Variants in HADHA observed in about 807,000 individuals in gnomAD.
HADHA encodes the protein hydroxyacyl-CoA dehydrogenase trifunctional multienzyme complex subunit alpha.
HADHA carries 59 observed loss-of-function variants against 91.3 expected under a neutral mutation model. The ratio of observed to expected loss-of-function variants is 0.65; its 90% CI spans 0.52 to 0.80. The LOEUF (loss-of-function observed/expected upper bound fraction) is 0.80. Ranked by LOEUF, HADHA falls within the 30% of genes least tolerant of loss-of-function variation. HADHA has a pLI of 0.00. For synonymous variants in HADHA, 320 were observed against 338.9 expected (o/e 0.94, Z 0.61); for missense variants, 800 against 927.6 (o/e 0.86, Z 1.79).
intron 4 of HADHA, among the ~76,000 whole-genome samples, chr2:26,236,377 AC>A (rs1179957618): frequency 5.3e-5 from 5 of 94,052 alleles, no homozygotes; most frequent in Admixed American, 1.1e-4. Flanking sequence ...ATATATATAT[AC>A]TCTGTGTGTG....
intron 7 of HADHA, among the ~76,000 whole-genome samples, chr2:26,217,516 C>T (rs1000976990): frequency 6.6e-6 from 1 of 152,092 alleles, no homozygotes; most frequent in Non-Finnish European, 1.5e-5. Flanking sequence ...AACCAAGGCA[C>T]ATCATAATCA....
At chr2:26,238,796 A>G (rs1670821125) in intron 3 of HADHA, 138 bp downstream of exon 3, 2 of 715,568 alleles carry the variant, frequency 2.8e-6, no homozygotes, top group Non-Finnish European at 5.1e-6. Flanking sequence ...AAAGTTTAAC[A>G]TAACTGTCAA....
intron 11 of HADHA, 107 bp from the exon 12 acceptor site, chr2:26,204,303 T>A: frequency 2.2e-6 from 2 of 925,654 alleles, no homozygotes; most frequent in Non-Finnish European, 1.8e-6. Context: ...CAGGCACAAC[T>A]ATAAGGTGTT....
chr2:26,213,515 T>C (rs1459226640), intron 9 of HADHA, among the ~76,000 whole-genome samples: 2 of 152,200 alleles, frequency 1.3e-5, no homozygotes. Flanking sequence ...TAATGTTCCT[T>C]GAAGAGCTTG....
chr2:26,197,539 G>A, intron 14 of HADHA, 152 bp downstream of exon 14: 1 of 683,476 alleles, frequency 1.5e-6, no homozygotes, highest in Non-Finnish European at 2.7e-6. Flanking sequence ...TCTCACACTA[G>A]TCATGGTATT....
In HADHA at chr2:26,214,594, T is replaced by C. The variant is rs1006919022; in HGVS notation, c.800-33A>G. The C allele has an allele frequency of 3.6e-6, 4 of 1,096,844 alleles. No homozygotes were observed. The highest frequency in any genetic ancestry group is 5.6e-6 in the Non-Finnish European group (4 of 708,488). 67.9% of individuals were successfully genotyped at this position (1,096,844 alleles called of 1,614,324 possible). The stretch of plus-strand genomic sequence containing the variant: ...ATAAAATGCTTTTAGATATTTACTA[T>C]AAAGAGCCTAGATTCCCTTGTTAGT... On this transcript the variant is annotated intron_variant, in intron 8 of 19. Transcript: ENST00000380649. The surrounding 1 kb of genome is among the most constrained non-coding windows in gnomAD (Gnocchi z 4.1).
Position 26,215,081 on chromosome 2 carries a change from A to G in HADHA, c.771T>C (p.Ser257=). The G allele has an allele frequency of 6.2e-7, 1 of 1,609,590 alleles. No homozygotes were observed. The highest frequency in any genetic ancestry group is 8.5e-7 in the Non-Finnish European group (1 of 1,175,864). The change falls in exon 8 of 20, where the codon TCT becomes TCC. Residue 257 remains serine, a synonymous_variant. Coordinates refer to ENST00000380649, the MANE Select transcript of HADHA (RefSeq NM_000182.5). The part of the protein sequence containing the change: ...FAKGLADKKI[S]PKRDKGLVEK... ...CCACCAATCCCTTGTCTCTCTTTGG[A>G]GAGATCTTCTTATCAGCTAGTCCTT...
At chr2:26,226,933 C>A (rs1486476767) in intron 7 of HADHA, among the ~76,000 whole-genome samples, 1 of 151,978 alleles carries the variant, frequency 6.6e-6, no homozygotes, top group East Asian at 1.9e-4. Context: ...ATAGCATGAT[C>A]CATAAAAGAG....
chr2:26,198,214 G>A (rs1185007111), intron 13 of HADHA, among the ~76,000 whole-genome samples: 1 of 152,084 alleles, frequency 6.6e-6, no homozygotes, highest in Non-Finnish European at 1.5e-5. Context: ...GTGCATGCTT[G>A]TCTCATTTTA....
chr2:26,242,856 A>G (rs1670934020), intron 1 of HADHA, among the ~76,000 whole-genome samples: 2 of 152,088 alleles, frequency 1.3e-5, no homozygotes, highest in Admixed American at 6.5e-5. Context: ...GGCTCACGCC[A>G]TTCTCCTGCC....
Position 26,214,933 on chromosome 2 carries a change from G to T in HADHA, c.799+120C>A. 1.0e-6 allele frequency: 1 copy of T among 982,896 alleles called. No homozygotes were observed. The highest frequency in any genetic ancestry group is 1.6e-6 in the Non-Finnish European group (1 of 614,186). 60.9% of individuals were successfully genotyped at this position (982,896 alleles called of 1,614,324 possible). A position where few individuals can be genotyped will look rare whatever the true frequency, so the allele number is the denominator to read the frequency against. ...GGAGTTGTTACATCTCCTACCTAAGGCTGACTTTATGCTTTGAGTAAATAA... is the reference window on the plus strand; with the variant it reads ...GGAGTTGTTACATCTCCTACCTAAGTCTGACTTTATGCTTTGAGTAAATAA... On this transcript the variant is annotated intron_variant, in intron 8 of 19. Coordinates refer to ENST00000380649, the MANE Select transcript of HADHA (RefSeq NM_000182.5). The surrounding 1 kb of genome is among the most constrained non-coding windows in gnomAD (Gnocchi z 4.1).
chr2:26,234,382 A>G (rs1574625205), intron 4 of HADHA, 27 bp from the exon 5 acceptor site: 1 of 1,602,858 alleles, frequency 6.2e-7, no homozygotes. Context: ...AGTAGAGAAC[A>G]GAGAAAAAGA....
chr2:26,192,424 C>T lies in HADHA; in HGVS notation c.1886G>A (p.Gly629Asp). ...GTAAAAGCCCTTCCCAGATTTACGACCTAAAACAGGCAAGAAAAGGGAGTG... is the reference window on the plus strand; with the variant it reads ...GTAAAAGCCCTTCCCAGATTTACGATCTAAAACAGGCAAGAAAAGGGAGTG... ...LTQMVSKGFL[G>D]RKSGKGFYIY... The change falls in exon 18 of 20, where the codon GGT (glycine) becomes GAT (aspartate). Residue 629 changes from glycine to aspartate, a missense_variant and splice_region_variant. Coordinates refer to ENST00000380649, the MANE Select transcript of HADHA (RefSeq NM_000182.5). 6.7e-7 allele frequency: 1 copy of T among 1,489,686 alleles called. No homozygotes were observed. Among genetic ancestry groups the T allele is most frequent in the Non-Finnish European group, 9.4e-7 (1 of 1,066,282 alleles). 92.3% of individuals were successfully genotyped at this position (1,489,686 alleles called of 1,614,324 possible). A position where few individuals can be genotyped will look rare whatever the true frequency, so the allele number is the denominator to read the frequency against.
In HADHA at chr2:26,236,869, T is replaced by A. The variant is rs1335136331; in HGVS notation, c.300A>T (p.Ala100=). The change falls in exon 4 of 20, where the codon GCA becomes GCT. Residue 100 remains alanine, a synonymous_variant. Transcript: ENST00000380649. ...CTAAAACTTACTTGATATCAGCACC[T>A]GCAATAAAGCAGCCTGGCTTTGATG... ...LISSKPGCFI[A]GADINMLAAC... is the part of the protein sequence containing the mutation. The A allele has an allele frequency of 1.2e-6, 2 of 1,611,982 alleles. No individual in the cohort carries two copies. The highest frequency in any genetic ancestry group is 1.7e-6 in the Non-Finnish European group (2 of 1,179,030).
chr2:26,239,603 A>G (rs1279856859), intron 1 of HADHA, among the ~76,000 whole-genome samples: 1 of 152,118 alleles, frequency 6.6e-6, no homozygotes, highest in Non-Finnish European at 1.5e-5. Context: ...GATCATCAGT[A>G]GGTTGCCAAG....
At chr2:26,208,226 GGTT>G (rs1002168486) in intron 11 of HADHA, among the ~76,000 whole-genome samples, 7 of 151,886 alleles carry the variant, frequency 4.6e-5, no homozygotes, top group African/African-American at 7.3e-5. Context: ...TCTGCATTGT[GGTT>G]GTTTTTTGGG....
chr2:26,223,329 C>T (rs1442616594), intron 7 of HADHA, among the ~76,000 whole-genome samples: 2 of 152,136 alleles, frequency 1.3e-5, no homozygotes, highest in African/African-American at 4.8e-5. Context: ...TGGCAGATCT[C>T]TTAGGGTGTC....
intron 11 of HADHA, among the ~76,000 whole-genome samples, chr2:26,205,486 TG>T (rs1309573896): frequency 6.6e-6 from 1 of 152,242 alleles, no homozygotes; most frequent in South Asian, 2.1e-4. Flanking sequence ...AAATAGGGAC[TG>T]AAAAAAAAGA....
At chr2:26,236,335 CATG>C (rs1180216501) in intron 4 of HADHA, among the ~76,000 whole-genome samples, 2 of 132,654 alleles carry the variant, frequency 1.5e-5, no homozygotes, top group East Asian at 4.3e-4. Flanking sequence ...CTCTAGATCA[CATG>C]ATGTGTGTGT....
Sources: gnomAD v4.1 joint callset for allele counts (sites outside exome capture counted in the v4.1 genomes callset) on GRCh38, gnomAD v4.1.1 for gene constraint, Gnocchi (gnomAD v3.1) non-coding constraint, MANE v1.5 for transcripts, NCBI Gene and HGNC (gene_info 2026-07-23, HGNC 2026-07-21) for gene names.